FSTL4: variants seen among roughly 807,000 people sequenced by gnomAD.
FSTL4 encodes the protein follistatin like 4, also known as follistatin-related protein 4.
Under a neutral mutation model 78.2 loss-of-function variants are expected in FSTL4, and 28 were observed. The ratio of observed to expected loss-of-function variants is 0.36; its 90% CI spans 0.27 to 0.49. The LOEUF is 0.49. Among genes scored for constraint, FSTL4 ranks in the 20% least tolerant of loss-of-function variants. The pLI is 0.98. For missense variants in FSTL4, 922 were observed against 1,084.9 expected (o/e 0.85, Z 2.11); for synonymous variants, 422 against 440.5 (o/e 0.96, Z 0.53).
rs1750186469 is a variant in FSTL4 at position 133,197,757 on chromosome 5, C to G, written c.*1338G>C. On this transcript the variant is annotated 3_prime_UTR_variant, in exon 16 of 16. Coordinates refer to ENST00000265342, the MANE Select transcript of FSTL4 (RefSeq NM_015082.2). ...AACCAGGACACATGTAAGTTCCACT[C>G]ATATGTGGGAGAGGGAAGGCGAGCC... The G allele has an allele frequency of 6.6e-6, 1 of 152,200 alleles. No homozygotes were observed. Among genetic ancestry groups the G allele is most frequent in the African/African-American group, 2.4e-5 (1 of 41,430 alleles). 9.4% of individuals were successfully genotyped at this position (152,200 alleles called of 1,614,324 possible). A position where few individuals can be genotyped will look rare whatever the true frequency, so the allele number is the denominator to read the frequency against.
intron 4 of FSTL4, among the ~76,000 whole-genome samples, chr5:133,368,358 C>G (rs560264747): frequency 1.9e-3 from 290 of 152,322 alleles, no homozygotes; most frequent in Non-Finnish European, 3.7e-3. Context: ...TGTCACACAC[C>G]AGTGCTGTCT....
chr5:133,337,760 T>C (rs973579109), intron 4 of FSTL4, among the ~76,000 whole-genome samples: 1 of 152,218 alleles, frequency 6.6e-6, no homozygotes, highest in Non-Finnish European at 1.5e-5. Flanking sequence ...GCTTTCAACA[T>C]GCTCCAAGTA....
rs1758177975 is a variant in FSTL4 at position 133,488,262 on chromosome 5, T to C, written c.160+78924A>G. On this transcript the variant is annotated intron_variant, in intron 3 of 15. Coordinates refer to ENST00000265342, the MANE Select transcript of FSTL4 (RefSeq NM_015082.2). ...AGCTAAGATAATCTTTGCGACGAGC[T>C]CTCTTTTTTTGAGATGGAGTCTCAC... 2.0e-5 allele frequency among the ~76,000 whole-genome samples: 3 copies of C among 148,940 alleles called. 1 individual carries two copies. The South Asian group carries it at 6.4e-4, about 32-fold the overall frequency.
chr5:133,617,370 T>C (rs1354891875), upstream of FSTL4, among the ~76,000 whole-genome samples: 4 of 148,588 alleles, frequency 2.7e-5, no homozygotes, highest in African/African-American at 1.0e-4. Context: ...CCTCCATGCC[T>C]ACGCATTTGT....
the FSTL4 span, among the ~76,000 whole-genome samples, chr5:133,687,104 G>A: frequency 2.0e-5 from 3 of 152,308 alleles, no homozygotes; most frequent in South Asian, 6.2e-4. Flanking sequence ...ACGAGCCTGT[G>A]GCCCAGGGCA....
the FSTL4 span, among the ~76,000 whole-genome samples, chr5:133,795,713 A>C: frequency 2.0e-5 from 3 of 152,198 alleles, no homozygotes; most frequent in African/African-American, 7.2e-5. Context: ...AATGGAGTGA[A>C]ATCTTTTCTA....
At chr5:133,234,702 T>C (rs1303563711) in intron 7 of FSTL4, among the ~76,000 whole-genome samples, 1 of 152,180 alleles carries the variant, frequency 6.6e-6, no homozygotes, top group East Asian at 1.9e-4. Flanking sequence ...TGATGGGAAC[T>C]CAGGACATCC....
the FSTL4 span, among the ~76,000 whole-genome samples, chr5:133,792,179 G>C: frequency 2.0e-5 from 3 of 152,096 alleles, no homozygotes; most frequent in Non-Finnish European, 4.4e-5. Context: ...TGATGCAGCT[G>C]ACCTGTGTCC....
the FSTL4 span, among the ~76,000 whole-genome samples, chr5:133,628,368 T>C: frequency 6.7e-6 from 1 of 150,064 alleles, no homozygotes; most frequent in African/African-American, 2.5e-5. Flanking sequence ...TTTCTTTTCT[T>C]TTTTTTTTGA....
At chr5:133,653,816 T>C in the FSTL4 span, among the ~76,000 whole-genome samples, 1 of 152,182 alleles carries the variant, frequency 6.6e-6, no homozygotes. Flanking sequence ...ATGCACACAC[T>C]CACACACTCA....
the FSTL4 span, among the ~76,000 whole-genome samples, chr5:133,834,097 T>C: frequency 6.6e-6 from 1 of 152,146 alleles, no homozygotes; most frequent in African/African-American, 2.4e-5. Context: ...GAGATTAGAG[T>C]AATACAGATT....
chr5:133,786,596 G>A, the FSTL4 span, among the ~76,000 whole-genome samples: 2 of 152,298 alleles, frequency 1.3e-5, no homozygotes, highest in Non-Finnish European at 2.9e-5. Flanking sequence ...GTCTAGCCTC[G>A]GCTTGGGAAA....
intron 3 of FSTL4, among the ~76,000 whole-genome samples, chr5:133,517,422 CAAA>C (rs34374583): frequency 0.15 from 1,598 of 10,440 alleles, 146 homozygotes; most frequent in Non-Finnish European, 0.18. Flanking sequence ...GACTCCATCT[CAAA>C]AAAAAAAAAA....
At position 133,329,762 on chromosome 5, in the gene FSTL4, A is replaced by G. The variant is rs930133840; in HGVS notation, c.410-13110T>C. Among the ~76,000 whole-genome samples, 5 of 152,344 alleles carry G rather than the reference A, an allele frequency of 3.3e-5. 1 individual carries two copies. In the South Asian group the frequency reaches 1.0e-3, roughly 32 times the overall value. ...ACCCTCACAGACACAGCCAGGCTTA[A>G]TACTTTGTATCCCTCAATCCAATCA... On this transcript the variant is annotated intron_variant, in intron 4 of 15. Coordinates refer to ENST00000265342, the MANE Select transcript of FSTL4 (RefSeq NM_015082.2).
chr5:133,823,026 A>C, the FSTL4 span, among the ~76,000 whole-genome samples: 2 of 152,194 alleles, frequency 1.3e-5, no homozygotes, highest in African/African-American at 2.4e-5. Context: ...ATGGAAACAG[A>C]CCATGAACAA....
At chr5:133,678,719 T>C in the FSTL4 span, among the ~76,000 whole-genome samples, 5 of 152,254 alleles carry the variant, frequency 3.3e-5, no homozygotes, top group Admixed American at 2.0e-4. Flanking sequence ...GTTACAAATA[T>C]GAGAATCATT....
At chr5:133,468,985 G>C (rs1757765317) in intron 3 of FSTL4, among the ~76,000 whole-genome samples, 1 of 152,216 alleles carries the variant, frequency 6.6e-6, no homozygotes, top group Non-Finnish European at 1.5e-5. Flanking sequence ...AGGAAGGGCA[G>C]TATTTGAAAG....
chr5:133,384,825 T>G (rs1430608190), intron 4 of FSTL4, among the ~76,000 whole-genome samples: 1 of 152,206 alleles, frequency 6.6e-6, no homozygotes, highest in East Asian at 1.9e-4. Context: ...TGGCCAAAGC[T>G]CCTTTCCAGG....
At chr5:133,564,001 G>A (rs1461912300) in intron 3 of FSTL4, among the ~76,000 whole-genome samples, 1 of 152,154 alleles carries the variant, frequency 6.6e-6, no homozygotes, top group African/African-American at 2.4e-5. Context: ...CTGGAGGCTG[G>A]GAGTACAAAA....
Sources: allele counts gnomAD v4.1 joint callset (sites outside exome capture counted in the v4.1 genomes callset), GRCh38; gene constraint gnomAD v4.1.1; transcripts MANE v1.5; gene names NCBI Gene and HGNC (gene_info 2026-07-23, HGNC 2026-07-21).